The following KIAA0825 variants were observed in gnomAD, a reference collection of about 807,000 sequenced individuals.
The protein encoded by KIAA0825 is KIAA0825, also known as uncharacterized protein KIAA0825.
Under a neutral mutation model 147.6 loss-of-function variants are expected in KIAA0825, and 119 were observed. The ratio of observed to expected loss-of-function variants is 0.81; its 90% CI spans 0.69 to 0.94. KIAA0825 has a LOEUF of 0.94. Ranked by LOEUF, KIAA0825 falls within the 40% of genes least tolerant of loss-of-function variation. KIAA0825 has a pLI of 0.00. For missense variants in KIAA0825, 1,381 were observed against 1,472.7 expected (o/e 0.94, Z 1.02); for synonymous variants, 470 against 518.1 (o/e 0.91, Z 1.26).
At chr5:94,453,845 G>T (rs1162652500) in intron 12 of KIAA0825, among the ~76,000 whole-genome samples, 1 of 151,834 alleles carries the variant, frequency 6.6e-6, no homozygotes, top group Non-Finnish European at 1.5e-5. Flanking sequence ...GCCAGTATTT[G>T]CTTCATTAAT....
chr5:94,407,785 A>T (rs1385320155), intron 15 of KIAA0825, among the ~76,000 whole-genome samples: 2 of 152,194 alleles, frequency 1.3e-5, no homozygotes, highest in Non-Finnish European at 2.9e-5. Flanking sequence ...ATCTACTAAA[A>T]ACCACTGAAC....
At chr5:94,407,801 TA>T (rs1202332812) in intron 15 of KIAA0825, among the ~76,000 whole-genome samples, 1 of 152,236 alleles carries the variant, frequency 6.6e-6, no homozygotes, top group Non-Finnish European at 1.5e-5. Flanking sequence ...TGAACTGTGA[TA>T]TTTTTACACT....
chr5:94,454,600 T>G (rs949080412), intron 12 of KIAA0825, among the ~76,000 whole-genome samples: 2 of 152,154 alleles, frequency 1.3e-5, no homozygotes, highest in African/African-American at 4.8e-5. Context: ...GCTAGAGAAG[T>G]AGGCAGAAGC....
intron 20 of KIAA0825, among the ~76,000 whole-genome samples, chr5:94,331,573 G>C (rs1052699705): frequency 3.9e-5 from 6 of 152,134 alleles, no homozygotes; most frequent in Admixed American, 3.3e-4. Flanking sequence ...ACCCTGCTTT[G>C]CCTGAGTATT....
chr5:94,530,536 A>G (rs376968056), intron 3 of KIAA0825, among the ~76,000 whole-genome samples: 3 of 152,132 alleles, frequency 2.0e-5, no homozygotes, highest in African/African-American at 7.2e-5. Context: ...CCATGAAAGG[A>G]TATTCCTAAT....
At chr5:94,250,033 G>A (rs1393458702) in intron 20 of KIAA0825, among the ~76,000 whole-genome samples, 1 of 151,938 alleles carries the variant, frequency 6.6e-6, no homozygotes, top group Non-Finnish European at 1.5e-5. Context: ...GTCTTCACTG[G>A]TCTTCAGGTT....
chr5:94,213,153 G>A (rs1048133348), intron 20 of KIAA0825, among the ~76,000 whole-genome samples: 1 of 151,924 alleles, frequency 6.6e-6, no homozygotes, highest in East Asian at 1.9e-4. Context: ...TGTTTCACAG[G>A]CTCTCTCCCC....
At chr5:94,252,805 A>G (rs1397857708) in intron 20 of KIAA0825, among the ~76,000 whole-genome samples, 1 of 152,034 alleles carries the variant, frequency 6.6e-6, no homozygotes, top group African/African-American at 2.4e-5. Context: ...GCAACTGTGG[A>G]TATTATTGTA....
chr5:94,184,166 G>C (rs11743689), intron 20 of KIAA0825, among the ~76,000 whole-genome samples: 1 of 152,152 alleles, frequency 6.6e-6, no homozygotes, highest in African/African-American at 2.4e-5. Flanking sequence ...CAAACATTTA[G>C]TATTCTAAGT....
At chr5:94,227,578 A>G (rs1034613221) in intron 20 of KIAA0825, among the ~76,000 whole-genome samples, 2 of 151,528 alleles carry the variant, frequency 1.3e-5, no homozygotes, top group East Asian at 2.0e-4. Context: ...AAGAAAATGT[A>G]CAGTCAGGAA....
intron 3 of KIAA0825, among the ~76,000 whole-genome samples, chr5:94,529,330 CATAT>C (rs199725421): frequency 7.5e-6 from 1 of 133,690 alleles, no homozygotes; most frequent in African/African-American, 3.0e-5. Context: ...ATGTATATAT[CATAT>C]ATATGTATAT....
At chr5:94,510,337 C>T (rs965196475) in intron 5 of KIAA0825, among the ~76,000 whole-genome samples, 1 of 152,216 alleles carries the variant, frequency 6.6e-6, no homozygotes, top group East Asian at 1.9e-4. Context: ...TCATCTCTGA[C>T]TTGCACTTAC....
chr5:94,527,220 T>C (rs1244373247), intron 3 of KIAA0825, among the ~76,000 whole-genome samples: 1 of 152,102 alleles, frequency 6.6e-6, no homozygotes, highest in Non-Finnish European at 1.5e-5. Context: ...TGAGATGTCC[T>C]ACTATTGGAC....
At chr5:94,326,867 T>A (rs1425252025) in intron 20 of KIAA0825, among the ~76,000 whole-genome samples, 7 of 152,350 alleles carry the variant, frequency 4.6e-5, no homozygotes, top group Admixed American at 2.0e-4. Context: ...TAAACTAGGA[T>A]GTGGACTACC....
At chr5:94,212,923 G>C (rs550419487) in intron 20 of KIAA0825, among the ~76,000 whole-genome samples, 2 of 152,004 alleles carry the variant, frequency 1.3e-5, no homozygotes, top group Non-Finnish European at 2.9e-5. Flanking sequence ...CCTTAACAAA[G>C]TTTTAAATAA....
intron 20 of KIAA0825, among the ~76,000 whole-genome samples, chr5:94,157,494 A>C (rs1389513581): frequency 6.6e-6 from 1 of 152,222 alleles, no homozygotes; most frequent in Non-Finnish European, 1.5e-5. Flanking sequence ...CAGAATCAGC[A>C]GTTACAACTT....
chr5:94,386,531 G>A (rs1749163967), intron 18 of KIAA0825, 127 bp from the exon 19 acceptor site: 1 of 717,468 alleles, frequency 1.4e-6, no homozygotes, highest in Non-Finnish European at 2.3e-6. Context: ...ACTTGCCTCA[G>A]GGAAGAATAT....
intron 5 of KIAA0825, among the ~76,000 whole-genome samples, chr5:94,510,137 C>A (rs1046360913): frequency 6.6e-6 from 1 of 152,106 alleles, no homozygotes; most frequent in Non-Finnish European, 1.5e-5. Context: ...TATGTTGTGC[C>A]TTTTGCCAGT....
intron 12 of KIAA0825, among the ~76,000 whole-genome samples, chr5:94,454,997 T>G (rs1332089719): frequency 1.3e-5 from 2 of 152,106 alleles, no homozygotes; most frequent in African/African-American, 4.8e-5. Flanking sequence ...TAGGATACAT[T>G]GCAAGTATTT....
Sources: gnomAD v4.1 joint callset for allele counts (sites outside exome capture counted in the v4.1 genomes callset) on GRCh38, gnomAD v4.1.1 for gene constraint, MANE v1.5 for transcripts, NCBI Gene and HGNC (gene_info 2026-07-23, HGNC 2026-07-21) for gene names.